Variants in INPP5A observed in about 807,000 individuals in gnomAD.
INPP5A encodes 43 kDa inositol polyphosphate 5-phophatase.
Under a neutral mutation model 65.2 loss-of-function variants are expected in INPP5A, and 14 were observed. The ratio of observed to expected loss-of-function variants is 0.21; its 90% confidence interval spans 0.14 to 0.34. The LOEUF (loss-of-function observed/expected upper bound fraction) is 0.34. Among genes scored for constraint, INPP5A ranks in the 10% least tolerant of loss-of-function variants. The pLI is 1.00. For synonymous variants in INPP5A, 207 were observed against 208.3 expected (o/e 0.99, Z 0.05); for missense variants, 431 against 545.6 (o/e 0.79, Z 2.09).
intron 12 of INPP5A, among the ~76,000 whole-genome samples, chr10:132,774,793 C>T (rs1305653534): frequency 6.7e-6 from 1 of 149,262 alleles, no homozygotes; most frequent in African/African-American, 2.5e-5. Context: ...CCGCATCCTA[C>T]AGGGAGGAGA....
chr10:132,634,992 G>T (rs1446529725), intron 2 of INPP5A, among the ~76,000 whole-genome samples: 1 of 152,232 alleles, frequency 6.6e-6, no homozygotes, highest in African/African-American at 2.4e-5. Flanking sequence ...CTTGCAATTG[G>T]AAAGTCCAGA....
rs114659427 is a variant in INPP5A, at chr10:132,678,035, G to A, written c.307-12357G>A. Among the ~76,000 whole-genome samples, 85 of 152,380 alleles carry A rather than the reference G, an allele frequency of 5.6e-4. No homozygotes were observed. Among genetic ancestry groups the A allele is most frequent in the African/African-American group, 1.9e-3 (80 of 41,598 alleles). On this transcript the variant is annotated intron_variant, in intron 4 of 15. Transcript: ENST00000368594. The surrounding 1 kb of genome is among the most constrained non-coding windows in gnomAD (Gnocchi z 4.1). ...GCATCTCTCCCGCCAGCAGCCAGCCGGGAGAGGGGCTCGGCAGGAGGCCAG... is the reference window on the plus strand; with the variant it reads ...GCATCTCTCCCGCCAGCAGCCAGCCAGGAGAGGGGCTCGGCAGGAGGCCAG...
intron 8 of INPP5A, among the ~76,000 whole-genome samples, chr10:132,722,082 C>T (rs1052598994): frequency 3.3e-5 from 5 of 152,056 alleles, no homozygotes; most frequent in Non-Finnish European, 5.9e-5. Context: ...AACTTTTAAG[C>T]GATTAACTAA....
intron 9 of INPP5A, among the ~76,000 whole-genome samples, chr10:132,733,320 G>A (rs960425110): frequency 5.3e-5 from 8 of 152,194 alleles, no homozygotes; most frequent in Admixed American, 1.3e-4. Flanking sequence ...AGGCAGCGCC[G>A]GAGTGACTGT....
In INPP5A at chr10:132,586,931, C is replaced by T. The variant is rs547716150; in HGVS notation, c.76-20984C>T. 3.4e-4 allele frequency among the ~76,000 whole-genome samples: 52 copies of T among 152,276 alleles called. No homozygotes were observed. In the South Asian group the frequency reaches 8.7e-3, roughly 25 times the overall value. ...GTGCCCACTTTGTGTTTGTAAATAG[C>T]GAGTCGGAGTCGGAGCTGGAGCTAG... On this transcript the variant is annotated intron_variant, in intron 1 of 15. Transcript: ENST00000368594.
intron 4 of INPP5A, among the ~76,000 whole-genome samples, chr10:132,664,150 G>A (rs1368853529): frequency 6.6e-6 from 1 of 152,224 alleles, no homozygotes; most frequent in East Asian, 1.9e-4. Context: ...TTTGGCCTCA[G>A]GTGATGTTTC....
intron 1 of INPP5A, among the ~76,000 whole-genome samples, chr10:132,600,638 G>T (rs191724942): frequency 1.3e-5 from 2 of 152,170 alleles, no homozygotes; most frequent in African/African-American, 4.8e-5. Flanking sequence ...CCAATTTACC[G>T]TATTAGTTCA....
In INPP5A at chr10:132,698,025, T is replaced by C. The variant is rs1243628927; in HGVS notation, c.474+106T>C. 1.4e-6 allele frequency: 1 copy of C among 731,692 alleles called. No homozygotes were observed. The highest frequency in any genetic ancestry group is 2.4e-6 in the Non-Finnish European group (1 of 410,860). 45.3% of individuals were successfully genotyped at this position (731,692 alleles called of 1,614,324 possible). A position where few individuals can be genotyped will look rare whatever the true frequency, so the allele number is the denominator to read the frequency against. ...GCATTGCACTGTTACTAGTCACAGC[T>C]GCCTGTTGTTACCTCCGATAATCTG... On this transcript the variant is annotated intron_variant, in intron 6 of 15. Transcript: ENST00000368594. This position sits in a 1 kb window ranked among gnomAD's most constrained non-coding sequence, Gnocchi z 5.5.
intron 8 of INPP5A, among the ~76,000 whole-genome samples, chr10:132,722,408 T>A (rs1208246753): frequency 6.6e-6 from 1 of 152,200 alleles, no homozygotes; most frequent in Non-Finnish European, 1.5e-5. Context: ...GAAAAAAAAC[T>A]AGCCCCATTC....
At position 132,751,423 on chromosome 10, in the gene INPP5A, C is replaced by A. The variant is rs527799989; in HGVS notation, c.903+1578C>A. 1.8e-3 allele frequency among the ~76,000 whole-genome samples: 277 copies of A among 152,374 alleles called. 3 individuals carry two copies. Among genetic ancestry groups the A allele is most frequent in the African/African-American group, 5.9e-3 (245 of 41,592 alleles). The stretch of plus-strand genomic sequence containing the variant: ...TGCGCCATGTGTGGGAGGCACCCTC[C>A]CCTCTCCTTCTCAAGCCTCCAGGGC... On this transcript the variant is annotated intron_variant, in intron 11 of 15. Transcript: ENST00000368594.
At chr10:132,719,632 C>T (rs1231289959) in intron 8 of INPP5A, among the ~76,000 whole-genome samples, 1 of 143,320 alleles carries the variant, frequency 7.0e-6, no homozygotes, top group Non-Finnish European at 1.5e-5. Flanking sequence ...AGACAGCTGT[C>T]TTGCGGGTTC....
At chr10:132,763,519 AAACACGTGCCTGCATG>A (rs1239005306) in intron 11 of INPP5A, among the ~76,000 whole-genome samples, 1 of 152,246 alleles carries the variant, frequency 6.6e-6, no homozygotes, top group Non-Finnish European at 1.5e-5. Context: ...GCATACACAT[AAACACGTGCCTGCATG>A]CACACACACA....
intron 2 of INPP5A, among the ~76,000 whole-genome samples, chr10:132,624,164 C>T (rs555373052): frequency 5.3e-5 from 8 of 152,188 alleles, no homozygotes; most frequent in African/African-American, 1.7e-4. Context: ...TCCTGCTCAC[C>T]GGCTGACATG....
intron 12 of INPP5A, among the ~76,000 whole-genome samples, chr10:132,777,081 C>T (rs1261460521): frequency 6.6e-6 from 1 of 152,184 alleles, no homozygotes; most frequent in South Asian, 2.1e-4. Flanking sequence ...ATGTGGCCAG[C>T]CCCATTCCCA....
rs545769864 is a variant in INPP5A at position 132,584,098 on chromosome 10, A to G, written c.76-23817A>G. On this transcript the variant is annotated intron_variant, in intron 1 of 15. Transcript: ENST00000368594. Reference sequence around the variant, plus strand: ...ACTGCGTCTCCAGAACAAACAAACAAACAAACAAACATTTCTGCCCTTGCT... The same window carrying G: ...ACTGCGTCTCCAGAACAAACAAACAGACAAACAAACATTTCTGCCCTTGCT... Among the ~76,000 whole-genome samples, 11 of 152,336 alleles carry G rather than the reference A, an allele frequency of 7.2e-5. No individual in the cohort carries two copies. In the South Asian group the frequency reaches 2.1e-3, roughly 29 times the overall value.
Position 132,651,935 on chromosome 10 carries a change from ACACGGGGAC to A in INPP5A, c.306+1438_306+1446del, listed in dbSNP as rs2072582217. On this transcript the variant is annotated intron_variant, in intron 4 of 15. Coordinates refer to ENST00000368594, the MANE Select transcript of INPP5A (RefSeq NM_005539.5). The surrounding 1 kb of genome is among the most constrained non-coding windows in gnomAD (Gnocchi z 5.0). ...GGCCTCTCCTCACGCTCTGTGGGGC[ACACGGGGAC>A]CACGGGGCCCCCACTCACACCAGAG... 6.6e-6 allele frequency among the ~76,000 whole-genome samples: 1 copy of A among 152,288 alleles called. No homozygotes were observed. Among genetic ancestry groups the A allele is most frequent in the Non-Finnish European group, 1.5e-5 (1 of 68,016 alleles).
chr10:132,773,877 C>T (rs1380564950), intron 12 of INPP5A, among the ~76,000 whole-genome samples: 2 of 152,228 alleles, frequency 1.3e-5, no homozygotes, highest in Non-Finnish European at 2.9e-5. Flanking sequence ...TTTCCCCCCT[C>T]AGCCTCCCAA....
At chr10:132,586,973 G>A (rs569735289) in intron 1 of INPP5A, among the ~76,000 whole-genome samples, 14 of 152,094 alleles carry the variant, frequency 9.2e-5, no homozygotes, top group Admixed American at 8.5e-4. Context: ...ATCATCTGTC[G>A]GCTTCTGCAG....
At position 132,707,569 on chromosome 10, in the gene INPP5A, C is replaced by G. The variant is rs1845556382; in HGVS notation, c.475-744C>G. Reference sequence around the variant, plus strand: ...GCCCCGGTGGCTGGCCACTGCTGTACTGGGTGGCCCAGCAGAGGAACCTAC... The same window carrying G: ...GCCCCGGTGGCTGGCCACTGCTGTAGTGGGTGGCCCAGCAGAGGAACCTAC... On this transcript the variant is annotated intron_variant, in intron 6 of 15. Coordinates refer to ENST00000368594, the MANE Select transcript of INPP5A (RefSeq NM_005539.5). This position sits in a 1 kb window ranked among gnomAD's most constrained non-coding sequence, Gnocchi z 5.5. Among the ~76,000 whole-genome samples, 1 of 152,196 alleles carries G rather than the reference C, an allele frequency of 6.6e-6. No individual in the cohort carries two copies. Among genetic ancestry groups the G allele is most frequent in the African/African-American group, 2.4e-5 (1 of 41,448 alleles).
Sources: gnomAD v4.1 joint callset for allele counts (sites outside exome capture counted in the v4.1 genomes callset) on GRCh38, gnomAD v4.1.1 for gene constraint, Gnocchi (gnomAD v3.1) non-coding constraint, MANE v1.5 for transcripts, NCBI Gene and HGNC (gene_info 2026-07-23, HGNC 2026-07-21) for gene names.